The following HNRNPL variants were observed in gnomAD, a reference collection of about 807,000 sequenced individuals.
HNRNPL encodes the protein heterogeneous nuclear ribonucleoprotein L.
Under a neutral mutation model 64.0 loss-of-function variants are expected in HNRNPL, and 12 were observed. The observed-to-expected ratio is 0.19, with a 90% confidence interval of 0.12 to 0.30. The LOEUF is 0.30. Ranked by LOEUF, HNRNPL falls within the 10% of genes least tolerant of loss-of-function variation. The pLI is 1.00. For synonymous variants in HNRNPL, 385 were observed against 313.0 expected (o/e 1.23, Z -2.43); for missense variants, 484 against 797.4 (o/e 0.61, Z 4.73).
intron 6 of HNRNPL, chr19:38,841,118 G>A (rs1412403555): frequency 4.9e-6 from 1 of 204,816 alleles, no homozygotes; most frequent in Non-Finnish European, 1.0e-5. Context: ...TAGCTGACAA[G>A]CAGGGCAACA....
chr19:38,843,944 G>T, intron 5 of HNRNPL, 30 bp from the exon 6 acceptor site: 1 of 1,611,890 alleles, frequency 6.2e-7, no homozygotes, highest in Non-Finnish European at 8.5e-7. Context: ...CAAGACTTGA[G>T]GTCAGCCATG....
At chr19:38,847,462 AT>A in intron 1 of HNRNPL, 28 bp from the exon 2 acceptor site, 1 of 1,385,082 alleles carries the variant, frequency 7.2e-7, no homozygotes. Flanking sequence ...AACAAGAATT[AT>A]TTTCTTGCTG....
chr19:38,849,501 C>A, intron 1 of HNRNPL, 199 bp downstream of exon 1: 1 of 703,556 alleles, frequency 1.4e-6, no homozygotes, highest in Non-Finnish European at 2.0e-6. Flanking sequence ...ACACCCCGCT[C>A]CGGACCCCGC....
intron 1 of HNRNPL, chr19:38,849,201 C>T: frequency 6.3e-6 from 1 of 158,804 alleles, no homozygotes; most frequent in African/African-American, 2.4e-5. Flanking sequence ...GGCTCAAACA[C>T]ATCCATTTCT....
At position 38,841,731 on chromosome 19, in the gene HNRNPL, C is replaced by T. The variant is rs747960479; in HGVS notation, c.881-1172G>A. 58 of 779,446 alleles carry T rather than the reference C, an allele frequency of 7.4e-5. 1 individual carries two copies. Among genetic ancestry groups the T allele is most frequent in the South Asian group, 6.8e-4 (46 of 67,832 alleles). 48.3% of individuals were successfully genotyped at this position (779,446 alleles called of 1,614,324 possible). ...ATAAATACAAGTCACGGTACACATC[C>T]GCTACAATTTTTTTAAAGAATTGTT... On this transcript the variant is annotated intron_variant, in intron 6 of 12. Coordinates refer to ENST00000221419, the MANE Select transcript of HNRNPL (RefSeq NM_001533.3).
intron 6 of HNRNPL, among the ~76,000 whole-genome samples, chr19:38,843,012 G>C (rs1972166390): frequency 6.6e-6 from 1 of 152,148 alleles, no homozygotes; most frequent in African/African-American, 2.4e-5. Flanking sequence ...GAAGAGTCTA[G>C]CCCACCCTGC....
At chr19:38,838,177 C>T (rs997398527) in intron 10 of HNRNPL, among the ~76,000 whole-genome samples, 2 of 152,210 alleles carry the variant, frequency 1.3e-5, no homozygotes, top group Non-Finnish European at 2.9e-5. Flanking sequence ...GGAAGGAACG[C>T]GGCAAATGGT....
chr19:38,836,670 A>G lies in HNRNPL; in HGVS notation c.*52T>C. On this transcript the variant is annotated 3_prime_UTR_variant, in exon 13 of 13. Transcript: ENST00000221419. The stretch of plus-strand genomic sequence containing the variant: ...AATAACAAAAACAAAAAATGGCATA[A>G]AGGAAAGAGAAATGTCTTCCTGCTC... 1.5e-5 allele frequency: 19 copies of G among 1,247,750 alleles called. No homozygotes were observed. Among genetic ancestry groups the G allele is most frequent in the Non-Finnish European group, 2.2e-5 (19 of 882,468 alleles). 77.3% of individuals were successfully genotyped at this position (1,247,750 alleles called of 1,614,324 possible).
intron 4 of HNRNPL, 149 bp downstream of exon 4, chr19:38,845,501 C>T: frequency 3.0e-6 from 2 of 674,320 alleles, no homozygotes; most frequent in Non-Finnish European, 5.4e-6. Flanking sequence ...TAACTGCCTC[C>T]CTACTCAGTC....
chr19:38,845,844 G>A lies in HNRNPL; in HGVS notation c.624+9C>T. On this transcript the variant is annotated intron_variant, in intron 3 of 12. Transcript: ENST00000221419. ...GGAGACCTCACAAGAAATGCCTGCT[G>A]GCACGTACCGTGGTGATCGAATAAA... 5.0e-6 allele frequency: 8 copies of A among 1,610,502 alleles called. No homozygotes were observed. Among genetic ancestry groups the A allele is most frequent in the Non-Finnish European group, 5.9e-6 (7 of 1,176,694 alleles).
chr19:38,840,006 C>G (rs898899225), intron 8 of HNRNPL, 90 bp downstream of exon 8: 1 of 1,304,250 alleles, frequency 7.7e-7, no homozygotes, highest in African/African-American at 1.5e-5. Context: ...CCGCCCAGCG[C>G]CACACCAGGC....
At position 38,849,934 on chromosome 19, in the gene HNRNPL, C is replaced by T. The variant is rs1233065663; in HGVS notation, c.33G>A (p.Lys11=). Reference sequence around the variant, plus strand: ...GCCTCTGCTCCAGCCGCCGACGCCGCTTCTCCGCCCGGGGCAGCAGCCTCC... The same window carrying T: ...GCCTCTGCTCCAGCCGCCGACGCCGTTTCTCCGCCCGGGGCAGCAGCCTCC... MSRRLLPRAE[K]RRRRLEQRQQ... Residue 11 remains lysine, a synonymous_variant, in exon 1 of 13, where the codon AAG becomes AAA. Transcript: ENST00000221419. 5 of 1,370,486 alleles carry T rather than the reference C, an allele frequency of 3.6e-6. No individual in the cohort carries two copies. Among genetic ancestry groups the T allele is most frequent in the South Asian group, 1.4e-5 (1 of 70,900 alleles). The allele number at this position is 1,370,486 out of a possible 1,614,324, so 84.9% of individuals were successfully genotyped here.
At chr19:38,839,133 CG>C in intron 8 of HNRNPL, 118 bp from the exon 9 acceptor site, 2 of 1,293,944 alleles carry the variant, frequency 1.5e-6, no homozygotes, top group Non-Finnish European at 2.2e-6. Flanking sequence ...CACAGTTAAT[CG>C]GGACCACTAG....
chr19:38,843,649 A>G (rs1284058801), intron 6 of HNRNPL, 193 bp downstream of exon 6: 1 of 598,004 alleles, frequency 1.7e-6, no homozygotes, highest in South Asian at 2.0e-5. Context: ...GAGGGCCCCA[A>G]GCAGCAGTGA....
chr19:38,838,856 C>A, intron 9 of HNRNPL, 38 bp downstream of exon 9: 1 of 1,613,350 alleles, frequency 6.2e-7, no homozygotes, highest in South Asian at 1.1e-5. Flanking sequence ...TTTTCTCTCC[C>A]CTGTACCTCT....
Position 38,839,253 on chromosome 19 carries a change from A to C in HNRNPL, c.1234-238T>G, listed in dbSNP as rs1209712017. 5.9e-6 allele frequency: 3 copies of C among 512,330 alleles called. No individual in the cohort carries two copies. In the Admixed American group the frequency reaches 9.9e-5, roughly 17 times the overall value. The allele number at this position is 512,330 out of a possible 1,614,324, so 31.7% of individuals were successfully genotyped here. A position where few individuals can be genotyped will look rare whatever the true frequency, so the allele number is the denominator to read the frequency against. Reference sequence around the variant, plus strand: ...CCACCAGTAAATCATTTAGTGAAGCATGACAGAAAACTGTACAGGAATCAG... The same window carrying C: ...CCACCAGTAAATCATTTAGTGAAGCCTGACAGAAAACTGTACAGGAATCAG... On this transcript the variant is annotated intron_variant, in intron 8 of 12. Coordinates refer to ENST00000221419, the MANE Select transcript of HNRNPL (RefSeq NM_001533.3).
chr19:38,845,770 C>G, intron 3 of HNRNPL, 35 bp from the exon 4 acceptor site: 1 of 1,602,008 alleles, frequency 6.2e-7, no homozygotes, highest in Non-Finnish European at 8.6e-7. Context: ...TGAAGGGGCA[C>G]TGGCAGATCA....
chr19:38,849,687 G>A lies in HNRNPL; in HGVS notation c.267+13C>T, dbSNP rs1178410952. ...GTTCCCGGCCTTCCCAGCGCCTAGG[G>A]CCCTGGCCTCACCCCACCGCCGCCG... On this transcript the variant is annotated intron_variant, in intron 1 of 12. Coordinates refer to ENST00000221419, the MANE Select transcript of HNRNPL (RefSeq NM_001533.3). 2.2e-6 allele frequency: 3 copies of A among 1,347,786 alleles called. No homozygotes were observed. Among genetic ancestry groups the A allele is most frequent in the African/African-American group, 3.1e-5 (2 of 64,934 alleles). The allele number at this position is 1,347,786 out of a possible 1,614,324, so 83.5% of individuals were successfully genotyped here. A position where few individuals can be genotyped will look rare whatever the true frequency, so the allele number is the denominator to read the frequency against.
chr19:38,838,688 G>A, intron 9 of HNRNPL, 90 bp from the exon 10 acceptor site: 2 of 1,391,514 alleles, frequency 1.4e-6, no homozygotes. Context: ...AGCTTGCCCT[G>A]TGTGCCTTGG....
Sources: gnomAD v4.1 joint callset for allele counts (sites outside exome capture counted in the v4.1 genomes callset) on GRCh38, gnomAD v4.1.1 for gene constraint, MANE v1.5 for transcripts, NCBI Gene and HGNC (gene_info 2026-07-23, HGNC 2026-07-21) for gene names.